Variants in ADGRF5 observed in about 807,000 individuals in gnomAD.
The protein encoded by ADGRF5 is G-protein coupled receptor 116.
ADGRF5 carries 75 observed loss-of-function variants against 132.3 expected under a neutral mutation model. That is an observed-to-expected ratio of 0.57 (90% confidence interval 0.47 to 0.69). The LOEUF (loss-of-function observed/expected upper bound fraction) is 0.69, where lower values mean the gene tolerates loss of function less well. Among genes scored for constraint, ADGRF5 ranks in the 30% least tolerant of loss-of-function variants. The pLI is 0.00. For missense variants in ADGRF5, 1,516 were observed against 1,630.6 expected, an observed-to-expected ratio of 0.93 and a Z score of 1.21; for synonymous variants, 629 against 597.6, an observed-to-expected ratio of 1.05 and a Z score of -0.77.
chr6:46,953,663 A>ATATAGATAGATATATG (rs1778600345), intron 1 of ADGRF5, among the ~76,000 whole-genome samples: 1 of 127,722 alleles, frequency 7.8e-6, no homozygotes, highest in African/African-American at 3.3e-5. Context: ...ATATATATAT[A>ATATAGATAGATATATG]TATATATATA....
chr6:46,885,665 A>C (rs1358325226), intron 4 of ADGRF5, among the ~76,000 whole-genome samples: 1 of 152,208 alleles, frequency 6.6e-6, no homozygotes, highest in Admixed American at 6.5e-5. Context: ...TCACGGCTTT[A>C]GTGCATTTTC....
At chr6:46,924,403 A>C (rs767421727), upstream of ADGRF5, among the ~76,000 whole-genome samples, 1 of 152,200 alleles carries the variant, frequency 6.6e-6, no homozygotes, top group Non-Finnish European at 1.5e-5. Context: ...CTGGTATATA[A>C]TGGGTTATCA....
upstream of ADGRF5, among the ~76,000 whole-genome samples, chr6:46,923,054 G>A (rs1349826819): frequency 6.6e-6 from 1 of 152,184 alleles, no homozygotes; most frequent in East Asian, 1.9e-4. Context: ...AGCTTTCCCA[G>A]TAGCTGGGAC....
At position 46,863,110 on chromosome 6, in the gene ADGRF5, A is replaced by G. The variant is rs1769986523; in HGVS notation, c.1991-14T>C. On this transcript the variant is annotated splice_polypyrimidine_tract_variant and intron_variant, in intron 14 of 20. Coordinates refer to ENST00000283296, the MANE Select transcript of ADGRF5 (RefSeq NM_001098518.2). Reference sequence around the variant, plus strand: ...TGATGTTTTCCCCTGTGTTGGAAACATTGAAATAAAGGGATAATTGCAAGG... The same window carrying G: ...TGATGTTTTCCCCTGTGTTGGAAACGTTGAAATAAAGGGATAATTGCAAGG... 1.3e-6 allele frequency: 2 copies of G among 1,590,980 alleles called. No homozygotes were observed. The highest frequency in any genetic ancestry group is 1.3e-5 in the African/African-American group (1 of 74,596).
intron 10 of ADGRF5, among the ~76,000 whole-genome samples, chr6:46,875,124 TC>T (rs1771501029): frequency 6.6e-6 from 1 of 152,160 alleles, no homozygotes; most frequent in Non-Finnish European, 1.5e-5. Flanking sequence ...AGCATGCAGG[TC>T]TTGTTCAGAG....
chr6:46,926,097 T>C (rs1777230560), upstream of ADGRF5, among the ~76,000 whole-genome samples: 1 of 152,170 alleles, frequency 6.6e-6, no homozygotes, highest in Non-Finnish European at 1.5e-5. Flanking sequence ...AATGGTCTTA[T>C]TCTTATCTTG....
intron 3 of ADGRF5, among the ~76,000 whole-genome samples, chr6:46,896,727 A>G (rs1774221933): frequency 6.6e-6 from 1 of 151,048 alleles, no homozygotes; most frequent in Non-Finnish European, 1.5e-5. Flanking sequence ...ATATATATAT[A>G]TGTAATATAA....
chr6:46,863,365 A>G (rs552413957), intron 14 of ADGRF5: 9 of 528,282 alleles, frequency 1.7e-5, no homozygotes, highest in South Asian at 9.4e-5. Context: ...ACTGTGACAT[A>G]TTAGAATCAT....
Position 46,892,842 on chromosome 6 carries a change from G to A in ADGRF5, c.158-4337C>T, listed in dbSNP as rs372959306. Among the ~76,000 whole-genome samples, 16 of 152,128 alleles carry A rather than the reference G, an allele frequency of 1.1e-4. No homozygotes were observed. The East Asian group carries it at 2.3e-3, about 22-fold the overall frequency. On this transcript the variant is annotated intron_variant, in intron 3 of 20. Coordinates refer to ENST00000283296, the MANE Select transcript of ADGRF5 (RefSeq NM_001098518.2). ...GTATTTTGATATTAAGCGTTGCTCC[G>A]CTCATCTGTTTGTTCCTTGATTTAA...
chr6:46,928,252 G>A (rs879678394), intron 1 of ADGRF5, among the ~76,000 whole-genome samples: 2 of 152,098 alleles, frequency 1.3e-5, no homozygotes, highest in African/African-American at 2.4e-5. Flanking sequence ...ATATTCTCCT[G>A]GCCTGGTCAA....
intron 4 of ADGRF5, chr6:46,888,108 A>G (rs1773241085): frequency 6.6e-6 from 3 of 451,930 alleles, no homozygotes; most frequent in Non-Finnish European, 1.2e-5. Flanking sequence ...CATACAAACC[A>G]CCAAGCAAAC....
chr6:46,941,454 A>AAGAAAAG (rs1778078345), intron 1 of ADGRF5, among the ~76,000 whole-genome samples: 2 of 45,024 alleles, frequency 4.4e-5, no homozygotes, highest in African/African-American at 1.3e-4. Flanking sequence ...AAGAAAAGAA[A>AAGAAAAG]AGAAAAGAAA....
At chr6:46,940,738 C>T (rs1375579660) in intron 1 of ADGRF5, among the ~76,000 whole-genome samples, 5 of 152,100 alleles carry the variant, frequency 3.3e-5, no homozygotes, top group Non-Finnish European at 7.4e-5. Context: ...TTTTAAAATT[C>T]CAAAGATCCC....
chr6:46,933,295 T>G (rs967923240), intron 1 of ADGRF5, among the ~76,000 whole-genome samples: 1 of 152,198 alleles, frequency 6.6e-6, no homozygotes, highest in African/African-American at 2.4e-5. Context: ...GATAAATAAT[T>G]TCCATGTCCT....
intron 1 of ADGRF5, among the ~76,000 whole-genome samples, chr6:46,917,185 G>A (rs1016267376): frequency 2.0e-5 from 3 of 152,228 alleles, no homozygotes; most frequent in African/African-American, 7.2e-5. Flanking sequence ...TGAAGAAACT[G>A]AGCCTTGGCT....
intron 1 of ADGRF5, among the ~76,000 whole-genome samples, chr6:46,936,858 C>T (rs1039758037): frequency 1.3e-5 from 2 of 152,170 alleles, no homozygotes; most frequent in Non-Finnish European, 2.9e-5. Context: ...ATTTTCTCCC[C>T]GCCAACTCCT....
intron 7 of ADGRF5, 50 bp from the exon 8 acceptor site, chr6:46,881,647 T>G: frequency 6.5e-7 from 1 of 1,542,880 alleles, no homozygotes; most frequent in East Asian, 2.3e-5. Flanking sequence ...CCTGGAAGAG[T>G]CTAGATATTT....
rs147481396 is a variant in ADGRF5, at chr6:46,870,961, T to C, written c.1411+882A>G. The C allele has an allele frequency of 1.9e-3, 484 of 253,342 alleles. 1 individual carries two copies. The highest frequency in any genetic ancestry group is 0.011 in the African/African-American group (453 of 42,774). The allele number at this position is 253,342 out of a possible 1,614,324, so 15.7% of individuals were successfully genotyped here. A position where few individuals can be genotyped will look rare whatever the true frequency, so the allele number is the denominator to read the frequency against. ...AATGCAAAACTGTTCTACCTGTAGA[T>C]ATATGATTATTATATAGCTATATAT... On this transcript the variant is annotated intron_variant, in intron 11 of 20. Transcript: ENST00000283296.
chr6:46,935,148 C>T (rs564294450), intron 1 of ADGRF5, among the ~76,000 whole-genome samples: 1 of 151,724 alleles, frequency 6.6e-6, no homozygotes. Context: ...GGACTACAGG[C>T]GTGTGCCACA....
Sources: allele counts gnomAD v4.1 joint callset (sites outside exome capture counted in the v4.1 genomes callset), GRCh38; gene constraint gnomAD v4.1.1; transcripts MANE v1.5; gene names NCBI Gene and HGNC (gene_info 2026-07-23, HGNC 2026-07-21).